Variants in HDHD5 observed in about 807,000 individuals in gnomAD.
HDHD5 encodes the protein haloacid dehalogenase-like hydrolase domain-containing 5.
Under a neutral mutation model 35.5 loss-of-function variants are expected in HDHD5, and 34 were observed. That is an observed-to-expected ratio of 0.96 (90% CI 0.73 to 1.28). The LOEUF is 1.28. HDHD5 is among the 50% of genes most tolerant of loss of function. The pLI is 0.00. For synonymous variants in HDHD5, 248 were observed against 240.6 expected (o/e 1.03, Z -0.29); for missense variants, 589 against 560.2 (o/e 1.05, Z -0.52).
intron 3 of HDHD5, among the ~76,000 whole-genome samples, chr22:17,147,712 C>T (rs202102575): frequency 2.0e-5 from 3 of 147,814 alleles, no homozygotes; most frequent in Admixed American, 7.0e-5. Flanking sequence ...CGCACACGCT[C>T]CACACCTGTG....
chr22:17,151,853 A>G (rs992106692), intron 1 of HDHD5, among the ~76,000 whole-genome samples: 30 of 152,222 alleles, frequency 2.0e-4, no homozygotes, highest in African/African-American at 6.8e-4. Flanking sequence ...AGCAAACTCT[A>G]AAACAGCAGC....
chr22:17,152,947 C>T (rs9606631), intron 1 of HDHD5, among the ~76,000 whole-genome samples: 9,527 of 151,996 alleles, frequency 0.063, 360 homozygotes, highest in Admixed American at 0.078. Flanking sequence ...AGGAGGAGGG[C>T]AGGGACCCTG....
upstream of HDHD5, among the ~76,000 whole-genome samples, chr22:17,164,175 C>T (rs1223422486): frequency 4.1e-5 from 6 of 146,356 alleles, no homozygotes; most frequent in Admixed American, 1.4e-4. Context: ...GAGCTGAGAC[C>T]GTGCCACTGC....
At position 17,138,232 on chromosome 22, in the gene HDHD5, T is replaced by C; in HGVS notation, c.1061A>G (p.Gln354Arg). 3 of 1,614,190 alleles carry C rather than the reference T, an allele frequency of 1.9e-6. No individual in the cohort carries two copies. The highest frequency in any genetic ancestry group is 2.5e-6 in the Non-Finnish European group (3 of 1,180,034). ...GTRQQQPSAS[Q>R]SCISILVCTG... ...ACACACCAGGATGGAGATGCAGCTC[T>C]GGCTTGCTGAGGGCTGTTGCTGCCG... Residue 354 changes from glutamine (Q) to arginine (R), a missense_variant, in exon 8 of 8, where the codon CAG becomes CGG. Coordinates refer to ENST00000336737, the MANE Select transcript of HDHD5 (RefSeq NM_033070.3).
rs2123840979 is a variant in HDHD5 at position 17,137,887 on chromosome 22, C to A, written c.*134G>T. 1.5e-6 allele frequency: 1 copy of A among 667,882 alleles called. No homozygotes were observed. The highest frequency in any genetic ancestry group is 2.7e-5 in the East Asian group (1 of 36,378). The allele number at this position is 667,882 out of a possible 1,614,324, so 41.4% of individuals were successfully genotyped here. A position where few individuals can be genotyped will look rare whatever the true frequency, so the allele number is the denominator to read the frequency against. On this transcript the variant is annotated 3_prime_UTR_variant, in exon 8 of 8. Coordinates refer to ENST00000336737, the MANE Select transcript of HDHD5 (RefSeq NM_033070.3). Reference sequence around the variant, plus strand: ...GTCTTCTTCCAAGTGACCAGTAATGCCACACTCATGGGGCAGCAAGAAGGG... The same window carrying A: ...GTCTTCTTCCAAGTGACCAGTAATGACACACTCATGGGGCAGCAAGAAGGG...
At chr22:17,148,921 C>T (rs2061695912) in intron 2 of HDHD5, among the ~76,000 whole-genome samples, 1 of 152,170 alleles carries the variant, frequency 6.6e-6, no homozygotes, top group Non-Finnish European at 1.5e-5. Context: ...CTTTTACTTT[C>T]TATTTTCATT....
At chr22:17,159,427 T>G, upstream of HDHD5, 3 of 679,556 alleles carry the variant, frequency 4.4e-6, no homozygotes, top group Non-Finnish European at 7.1e-6. Flanking sequence ...GGGGCTCCGT[T>G]GCAAGGAAGA....
intron 5 of HDHD5, chr22:17,142,243 C>G (rs1041653928): frequency 5.3e-5 from 8 of 152,184 alleles, no homozygotes; most frequent in Non-Finnish European, 1.2e-4. Flanking sequence ...AAAAAACTTT[C>G]CCATGTCCTC....
chr22:17,149,502 C>T (rs2061701658), intron 2 of HDHD5, 40 bp downstream of exon 2: 2 of 1,595,978 alleles, frequency 1.3e-6, no homozygotes, highest in Non-Finnish European at 8.6e-7. Flanking sequence ...CCATTAGGAA[C>T]CAGGTCCTTG....
intron 6 of HDHD5, among the ~76,000 whole-genome samples, chr22:17,139,633 G>A (rs1393001798): frequency 2.0e-5 from 3 of 151,754 alleles, no homozygotes; most frequent in Non-Finnish European, 4.4e-5. Context: ...TGGCGCTTGG[G>A]TACAATCTCA....
intron 1 of HDHD5, 95 bp from the exon 2 acceptor site, chr22:17,149,840 C>T: frequency 9.8e-7 from 1 of 1,019,752 alleles, no homozygotes; most frequent in Admixed American, 2.6e-5. Context: ...CACTCATGTC[C>T]CTTGAAAACC....
At chr22:17,148,646 T>C (rs1439450515) in intron 2 of HDHD5, 86 bp from the exon 3 acceptor site, 13 of 1,042,592 alleles carry the variant, frequency 1.2e-5, no homozygotes, top group Non-Finnish European at 1.7e-5. Context: ...TCCTTTAGCC[T>C]AGGGAAGGAA....
At chr22:17,157,825 A>G (rs1001325462) in intron 1 of HDHD5, among the ~76,000 whole-genome samples, 2 of 152,210 alleles carry the variant, frequency 1.3e-5, no homozygotes, top group Non-Finnish European at 2.9e-5. Flanking sequence ...CTGGCACCAG[A>G]CTACCTGAGT....
upstream of HDHD5, among the ~76,000 whole-genome samples, chr22:17,162,677 T>G (rs1001097445): frequency 1.3e-5 from 2 of 152,234 alleles, no homozygotes; most frequent in Non-Finnish European, 1.5e-5. Context: ...TTTATTAGAT[T>G]CTCTGGGTTC....
chr22:17,154,120 C>T (rs1486468846), intron 1 of HDHD5, among the ~76,000 whole-genome samples: 1 of 151,054 alleles, frequency 6.6e-6, no homozygotes, highest in Non-Finnish European at 1.5e-5. Flanking sequence ...CCTCGGCCTC[C>T]CAAAGTGCTG....
intron 3 of HDHD5, among the ~76,000 whole-genome samples, chr22:17,147,739 T>C (rs1439961358): frequency 1.4e-5 from 2 of 145,538 alleles, no homozygotes; most frequent in African/African-American, 5.1e-5. Flanking sequence ...TCCTGTGAGC[T>C]TACCGGCCTT....
chr22:17,155,391 G>A (rs147858017), intron 1 of HDHD5, among the ~76,000 whole-genome samples: 1,679 of 151,986 alleles, frequency 0.011, 20 homozygotes, highest in Non-Finnish European at 0.015. Flanking sequence ...GACTACAGAC[G>A]CGCGCCAACA....
chr22:17,139,445 T>A (rs933286625), intron 6 of HDHD5, among the ~76,000 whole-genome samples: 2 of 151,602 alleles, frequency 1.3e-5, no homozygotes, highest in African/African-American at 4.8e-5. Flanking sequence ...GGAGAATCAC[T>A]TGAACCCGGG....
At chr22:17,147,833 G>A (rs1449182930) in intron 3 of HDHD5, among the ~76,000 whole-genome samples, 5 of 152,160 alleles carry the variant, frequency 3.3e-5, no homozygotes, top group African/African-American at 1.2e-4. Context: ...CATCGCACAC[G>A]CTCCTTTACT....
Sources: gnomAD v4.1 joint callset for allele counts (sites outside exome capture counted in the v4.1 genomes callset) on GRCh38, gnomAD v4.1.1 for gene constraint, MANE v1.5 for transcripts, NCBI Gene and HGNC (gene_info 2026-07-23, HGNC 2026-07-21) for gene names.